Variants in SIDT1 observed in about 807,000 individuals in gnomAD.
SIDT1 encodes the protein SID1 transmembrane family member 1, also known as SID1 transmembrane family, member 1.
SIDT1 carries 101 observed loss-of-function variants against 107.5 expected under a neutral mutation model. The ratio of observed to expected loss-of-function variants is 0.94; its 90% CI spans 0.80 to 1.11. The LOEUF is 1.11. Ranked by LOEUF, SIDT1 falls within the 50% of genes least tolerant of loss-of-function variation. The pLI is 0.00. For synonymous variants in SIDT1, 395 were observed against 398.2 expected, an observed-to-expected ratio of 0.99 and a Z score of 0.10; for missense variants, 1,076 against 1,058.2, an observed-to-expected ratio of 1.02 and a Z score of -0.23.
chr3:113,556,777 A>C (rs7611694), intron 1 of SIDT1, among the ~76,000 whole-genome samples: 60,274 of 149,516 alleles, frequency 0.4, 12,800 homozygotes, highest in East Asian at 0.72. Context: ...CAGAGCTGTA[A>C]GTTAGTCTGT....
chr3:113,564,127 T>A (rs990862785), intron 1 of SIDT1, among the ~76,000 whole-genome samples: 1 of 152,108 alleles, frequency 6.6e-6, no homozygotes, highest in Non-Finnish European at 1.5e-5. Context: ...TTTGTACTTT[T>A]AATAAAGACT....
chr3:113,542,293 T>C (rs1250576772), intron 1 of SIDT1, among the ~76,000 whole-genome samples: 1 of 152,204 alleles, frequency 6.6e-6, no homozygotes, highest in African/African-American at 2.4e-5. Flanking sequence ...TTTTTATGTC[T>C]GAAAATTTTT....
intron 3 of SIDT1, among the ~76,000 whole-genome samples, chr3:113,571,944 C>A (rs1191848208): frequency 2.6e-5 from 4 of 151,646 alleles, no homozygotes; most frequent in Admixed American, 2.0e-4. Context: ...CACACACACA[C>A]AAAAAAAATT....
intron 1 of SIDT1, among the ~76,000 whole-genome samples, chr3:113,543,168 T>C (rs1341059664): frequency 6.6e-6 from 1 of 152,084 alleles, no homozygotes; most frequent in Non-Finnish European, 1.5e-5. Context: ...CTCCAACTCC[T>C]GAACTCAGGT....
intron 13 of SIDT1, among the ~76,000 whole-genome samples, chr3:113,604,303 C>T (rs1240765899): frequency 6.6e-6 from 1 of 152,188 alleles, no homozygotes; most frequent in Non-Finnish European, 1.5e-5. Context: ...CAGCTCCTCC[C>T]CTTATTTTCT....
intron 14 of SIDT1, 112 bp from the exon 15 acceptor site, chr3:113,606,929 T>A (rs1171190697): frequency 1.4e-6 from 1 of 716,984 alleles, no homozygotes; most frequent in Non-Finnish European, 2.6e-6. Flanking sequence ...CTGGTTACAT[T>A]GTAAACTAGT....
intron 9 of SIDT1, among the ~76,000 whole-genome samples, chr3:113,591,247 A>T (rs1944127682): frequency 6.6e-6 from 1 of 152,220 alleles, no homozygotes; most frequent in Admixed American, 6.5e-5. Flanking sequence ...TATAAGGCAC[A>T]TTTTGGTATT....
chr3:113,576,696 A>G (rs1360111663), intron 3 of SIDT1, among the ~76,000 whole-genome samples: 1 of 152,196 alleles, frequency 6.6e-6, no homozygotes, highest in African/African-American at 2.4e-5. Context: ...AGATATAAAA[A>G]TAATAATCCC....
chr3:113,607,098 C>A lies in SIDT1; in HGVS notation c.1462C>A (p.Pro488Thr), dbSNP rs761712681. 3.7e-6 allele frequency: 6 copies of A among 1,611,600 alleles called. No individual in the cohort carries two copies. The highest frequency in any genetic ancestry group is 5.1e-6 in the Non-Finnish European group (6 of 1,177,944). The change falls in exon 15 of 25, where the codon CCC (proline) becomes ACC (threonine). Residue 488 changes from proline (P) to threonine (T), a missense_variant. Physicochemically the swap from Pro to Thr is conservative, Grantham distance 38 (BLOSUM62 -1). Transcript: ENST00000264852. ...ICYYNFLCAHPLGVLSAFNNI... is the reference protein window; with the variant it reads ...ICYYNFLCAHTLGVLSAFNNI... The stretch of plus-strand genomic sequence containing the variant: ...TTACTACAACTTCCTCTGTGCTCAC[C>A]CCTTGGGCGTCCTGAGGTAAACCCA...
Position 113,627,636 on chromosome 3 carries a change from C to T in SIDT1, c.2422-10C>T. On this transcript the variant is annotated splice_polypyrimidine_tract_variant and intron_variant, in intron 24 of 24. Coordinates refer to ENST00000264852, the MANE Select transcript of SIDT1 (RefSeq NM_017699.3). ...CCATTCCTTTCATTTCTCTGTCCCT[C>T]TCACTTCAGGTTTTGTTAACTTTGG... 1 of 1,613,888 alleles carries T rather than the reference C, an allele frequency of 6.2e-7. No homozygotes were observed. Among genetic ancestry groups the T allele is most frequent in the Non-Finnish European group, 8.5e-7 (1 of 1,179,796 alleles).
intron 23 of SIDT1, among the ~76,000 whole-genome samples, chr3:113,624,489 T>C (rs1946704252): frequency 6.6e-6 from 1 of 152,258 alleles, no homozygotes; most frequent in Non-Finnish European, 1.5e-5. Context: ...ACATTTTATC[T>C]ACCTGCTCAT....
downstream of SIDT1, among the ~76,000 whole-genome samples, chr3:113,630,681 A>G (rs114492696): frequency 0.011 from 1,615 of 152,168 alleles, 20 homozygotes; most frequent in African/African-American, 0.037. Context: ...GAGTCCACCT[A>G]CTCGCTATGT....
intron 9 of SIDT1, 80 bp from the exon 10 acceptor site, chr3:113,592,925 G>T (rs1471712778): frequency 7.8e-6 from 9 of 1,158,070 alleles, no homozygotes; most frequent in South Asian, 6.1e-5. Context: ...AGACAAATCC[G>T]CAACAAAATC....
intron 5 of SIDT1, among the ~76,000 whole-genome samples, chr3:113,581,006 C>T (rs1229830363): frequency 6.6e-6 from 1 of 152,068 alleles, no homozygotes; most frequent in African/African-American, 2.4e-5. Context: ...GTGGGCTCCG[C>T]GAGAAAGCTA....
At chr3:113,626,576 C>G (rs79300373) in intron 24 of SIDT1, among the ~76,000 whole-genome samples, 1 of 152,102 alleles carries the variant, frequency 6.6e-6, no homozygotes, top group Admixed American at 6.6e-5. Context: ...GCCATACTCA[C>G]ATTCCTCCTC....
intron 14 of SIDT1, among the ~76,000 whole-genome samples, chr3:113,605,862 T>C (rs116199875): frequency 0.013 from 1,968 of 151,932 alleles, 41 homozygotes; most frequent in African/African-American, 0.045. Flanking sequence ...AAAAATTAGC[T>C]GAGTGGTGGC....
At chr3:113,545,766 C>A (rs1281280123) in intron 1 of SIDT1, among the ~76,000 whole-genome samples, 1 of 152,140 alleles carries the variant, frequency 6.6e-6, no homozygotes, top group Admixed American at 6.5e-5. Flanking sequence ...AAACTGAAAG[C>A]CTGAATAGTG....
chr3:113,562,749 G>A (rs1941546413), intron 1 of SIDT1, among the ~76,000 whole-genome samples: 1 of 152,178 alleles, frequency 6.6e-6, no homozygotes, highest in Non-Finnish European at 1.5e-5. Flanking sequence ...TTTCTTTTCG[G>A]GGTGAGAAAA....
At chr3:113,581,338 T>G (rs1369346191) in intron 5 of SIDT1, 23 bp from the exon 6 acceptor site, 1 of 1,595,918 alleles carries the variant, frequency 6.3e-7, no homozygotes, top group East Asian at 2.2e-5. Flanking sequence ...TGCTTTCCAT[T>G]TTATTCCTCA....
Sources: gnomAD v4.1 joint callset for allele counts (sites outside exome capture counted in the v4.1 genomes callset) on GRCh38, gnomAD v4.1.1 for gene constraint, MANE v1.5 for transcripts, NCBI Gene and HGNC (gene_info 2026-07-23, HGNC 2026-07-21) for gene names.